Variants in KCNQ1OT1 observed in about 807,000 individuals in gnomAD.
The protein encoded by KCNQ1OT1 is KCNQ1 antisense RNA 2 (non-protein coding).
chr11:2,697,906 A>T, exon 1 of KCNQ1OT1: 1 of 398,656 alleles, frequency 2.5e-6, no homozygotes, highest in Middle Eastern at 6.3e-4. Context: ...TAAATCCTGA[A>T]ACAGACCCAC....
rs115450426 is a variant in KCNQ1OT1, at chr11:2,631,008, T to C, written n.68987A>G. ...TTATTTATCTTGCCGCTTTCAAAAT[T>C]ATCTTGTCTTCCATTTTTTACATTT... On this transcript the variant is annotated non_coding_transcript_exon_variant, in exon 1 of 1. Transcript: ENST00000597346. 2.7e-3 allele frequency: 1,077 copies of C among 398,558 alleles called. 12 individuals are homozygous for C. The highest frequency in any genetic ancestry group is 0.019 in the African/African-American group (931 of 48,760). The allele number at this position is 398,558 out of a possible 1,614,324, so 24.7% of individuals were successfully genotyped here. A position where few individuals can be genotyped will look rare whatever the true frequency, so the allele number is the denominator to read the frequency against.
exon 1 of KCNQ1OT1, chr11:2,675,503 C>A (rs1850277850): frequency 5.0e-6 from 2 of 398,530 alleles, no homozygotes; most frequent in Admixed American, 8.8e-5. Flanking sequence ...ACATAGCAGT[C>A]ACAACATGCC....
chr11:2,657,770 C>CT lies in KCNQ1OT1; in HGVS notation n.42224dup. 2.5e-6 allele frequency: 1 copy of CT among 398,594 alleles called. No homozygotes were observed. Among genetic ancestry groups the CT allele is most frequent in the Non-Finnish European group, 4.4e-6 (1 of 226,062 alleles). The allele number at this position is 398,594 out of a possible 1,614,324, so 24.7% of individuals were successfully genotyped here. On this transcript the variant is annotated non_coding_transcript_exon_variant, in exon 1 of 1. Coordinates refer to ENST00000597346, the Ensembl canonical transcript of KCNQ1OT1. This position sits in a 1 kb window ranked among gnomAD's most constrained non-coding sequence, Gnocchi z 4.8. ...GCTTCTCAGTCTTGTTCTTCATTAACTTGACACTTTTGAAGAATACCAGTC... is the reference window on the plus strand; with the variant it reads ...GCTTCTCAGTCTTGTTCTTCATTAACTTTGACACTTTTGAAGAATACCAGTC...
At chr11:2,675,429 CGTTAA>C in exon 1 of KCNQ1OT1, 1 of 398,360 alleles carries the variant, frequency 2.5e-6, no homozygotes, top group Non-Finnish European at 4.4e-6. Flanking sequence ...TGTCATTTTG[CGTTAA>C]AATAAAAGAT....
At chr11:2,633,684 T>C (rs1404244794) in exon 1 of KCNQ1OT1, 2 of 398,478 alleles carry the variant, frequency 5.0e-6, no homozygotes, top group Non-Finnish European at 8.8e-6. Context: ...TAAATAAATT[T>C]ATTTACTTCT....
rs960427133 is a variant in KCNQ1OT1 at position 2,698,438 on chromosome 11, A to G, written n.1557T>C. 31 of 374,870 alleles carry G rather than the reference A, an allele frequency of 8.3e-5. No individual in the cohort carries two copies. The highest frequency in any genetic ancestry group is 7.3e-4 in the African/African-American group (30 of 41,256). 23.2% of individuals were successfully genotyped at this position (374,870 alleles called of 1,614,324 possible). On this transcript the variant is annotated non_coding_transcript_exon_variant, in exon 1 of 1. Transcript: ENST00000597346. This position sits in a 1 kb window ranked among gnomAD's most constrained non-coding sequence, Gnocchi z 5.1. ...GTGGCCCTTCAAGCCTACTACCCAG[A>G]CTGAGACCTGCATCTGATCAACTCT...
chr11:2,642,577 GT>G lies in KCNQ1OT1; in HGVS notation n.57417del. On this transcript the variant is annotated non_coding_transcript_exon_variant, in exon 1 of 1. Coordinates refer to ENST00000597346, the Ensembl canonical transcript of KCNQ1OT1. The surrounding 1 kb of genome is among the most constrained non-coding windows in gnomAD (Gnocchi z 4.3). ...GTCTTCTCTCTTTTCTTCTTGGATA[GT>G]TTAGCCACTGGTTATTTTGTTTCTT... 1 of 397,748 alleles carries G rather than the reference GT, an allele frequency of 2.5e-6. No homozygotes were observed. Among genetic ancestry groups the G allele is most frequent in the Non-Finnish European group, 4.4e-6 (1 of 225,650 alleles). 24.6% of individuals were successfully genotyped at this position (397,748 alleles called of 1,614,324 possible).
At position 2,654,445 on chromosome 11, in the gene KCNQ1OT1, C is replaced by T. The variant is rs1040733172; in HGVS notation, n.45550G>A. 17 of 398,490 alleles carry T rather than the reference C, an allele frequency of 4.3e-5. No individual in the cohort carries two copies. Among genetic ancestry groups the T allele is most frequent in the East Asian group, 7.1e-5 (2 of 28,092 alleles). The allele number at this position is 398,490 out of a possible 1,614,324, so 24.7% of individuals were successfully genotyped here. Reference sequence around the variant, plus strand: ...TGGGTGAGGCAGAAGGCAAGGTTCCCGTGCTGAGCGCCAGGCACACATAAG... The same window carrying T: ...TGGGTGAGGCAGAAGGCAAGGTTCCTGTGCTGAGCGCCAGGCACACATAAG... On this transcript the variant is annotated non_coding_transcript_exon_variant, in exon 1 of 1. Transcript: ENST00000597346. The surrounding 1 kb of genome is among the most constrained non-coding windows in gnomAD (Gnocchi z 6.4).
exon 1 of KCNQ1OT1, chr11:2,692,653 G>A (rs972641378): frequency 1.8e-5 from 7 of 398,556 alleles, no homozygotes; most frequent in African/African-American, 1.2e-4. Flanking sequence ...TCCCCTCAGG[G>A]TGCAAACGGT....
At position 2,679,062 on chromosome 11, in the gene KCNQ1OT1, A is replaced by G; in HGVS notation, n.20933T>C. 2.5e-6 allele frequency: 1 copy of G among 398,646 alleles called. No individual in the cohort carries two copies. The highest frequency in any genetic ancestry group is 4.4e-5 in the Admixed American group (1 of 22,736). The allele number at this position is 398,646 out of a possible 1,614,324, so 24.7% of individuals were successfully genotyped here. A position where few individuals can be genotyped will look rare whatever the true frequency, so the allele number is the denominator to read the frequency against. The stretch of plus-strand genomic sequence containing the variant: ...CCCTCCTCCATACCAACCACCAAAA[A>G]AACCCACTAACACCATAAAGTGTCA... On this transcript the variant is annotated non_coding_transcript_exon_variant, in exon 1 of 1. Coordinates refer to ENST00000597346, the Ensembl canonical transcript of KCNQ1OT1. The surrounding 1 kb of genome is among the most constrained non-coding windows in gnomAD (Gnocchi z 4.8).
chr11:2,613,149 A>G lies in KCNQ1OT1; in HGVS notation n.86846T>C, dbSNP rs769920970. On this transcript the variant is annotated non_coding_transcript_exon_variant, in exon 1 of 1. Coordinates refer to ENST00000597346, the Ensembl canonical transcript of KCNQ1OT1. The surrounding 1 kb of genome is among the most constrained non-coding windows in gnomAD (Gnocchi z 4.8). ...CTTCCACCCTCTGCTGAGGGGATCTATGTGTGGGTTGGGACATTCAAAGTT... is the reference window on the plus strand; with the variant it reads ...CTTCCACCCTCTGCTGAGGGGATCTGTGTGTGGGTTGGGACATTCAAAGTT... 2.5e-6 allele frequency: 1 copy of G among 398,504 alleles called. No homozygotes were observed. Among genetic ancestry groups the G allele is most frequent in the Non-Finnish European group, 4.4e-6 (1 of 226,080 alleles). The allele number at this position is 398,504 out of a possible 1,614,324, so 24.7% of individuals were successfully genotyped here.
exon 1 of KCNQ1OT1, chr11:2,648,884 C>A: frequency 5.0e-6 from 2 of 398,158 alleles, no homozygotes; most frequent in Non-Finnish European, 8.9e-6. Context: ...CCTGGGTACT[C>A]CAGTGTTGTT....
chr11:2,666,232 T>C (rs543784324), exon 1 of KCNQ1OT1: 62 of 398,208 alleles, frequency 1.6e-4, no homozygotes, highest in Non-Finnish European at 2.3e-4. Context: ...ACCCGGCCCA[T>C]TGAGATGGGC....
At chr11:2,638,812 C>T (rs1045654585) in exon 1 of KCNQ1OT1, 5 of 152,224 alleles carry the variant, frequency 3.3e-5, no homozygotes, top group African/African-American at 1.2e-4. Flanking sequence ...AGAGTGTTTT[C>T]CAACTTGGTT....
chr11:2,662,866 T>C (rs1849993612), exon 1 of KCNQ1OT1: 1 of 398,596 alleles, frequency 2.5e-6, no homozygotes, highest in African/African-American at 2.1e-5. Context: ...TCTACCAACA[T>C]TTTTCTAAAG....
chr11:2,673,552 C>A lies in KCNQ1OT1; in HGVS notation n.26443G>T, dbSNP rs1850228140. On this transcript the variant is annotated non_coding_transcript_exon_variant, in exon 1 of 1. Coordinates refer to ENST00000597346, the Ensembl canonical transcript of KCNQ1OT1. The surrounding 1 kb of genome is among the most constrained non-coding windows in gnomAD (Gnocchi z 4.5). ...AAGATTGCTCTCAGCCTATCCCCTC[C>A]CTGGCCATGCAGGTGGAAGACCCTA... 2 of 398,500 alleles carry A rather than the reference C, an allele frequency of 5.0e-6. No individual in the cohort carries two copies. Among genetic ancestry groups the A allele is most frequent in the East Asian group, 3.6e-5 (1 of 28,074 alleles). The allele number at this position is 398,500 out of a possible 1,614,324, so 24.7% of individuals were successfully genotyped here. A position where few individuals can be genotyped will look rare whatever the true frequency, so the allele number is the denominator to read the frequency against.
At chr11:2,694,010 C>T (rs1590037063) in exon 1 of KCNQ1OT1, 2 of 398,706 alleles carry the variant, frequency 5.0e-6, no homozygotes, top group East Asian at 7.1e-5. Flanking sequence ...AGGCCACCTC[C>T]AACTTGGTCA....
At chr11:2,649,106 C>T (rs1159171551) in exon 1 of KCNQ1OT1, 2 of 391,448 alleles carry the variant, frequency 5.1e-6, no homozygotes, top group East Asian at 3.6e-5. Context: ...GGTGTCTTTA[C>T]AGGTGAAGTC....
At chr11:2,648,877 G>A (rs1349281964) in exon 1 of KCNQ1OT1, 3 of 398,014 alleles carry the variant, frequency 7.5e-6, no homozygotes, top group Non-Finnish European at 1.3e-5. Context: ...TAATATACCT[G>A]GGTACTCCAG....
Sources: allele counts gnomAD v4.1 joint callset, GRCh38; gene constraint gnomAD v4.1.1; non-coding constraint Gnocchi (gnomAD v3.1); transcripts MANE v1.5; gene names NCBI Gene and HGNC (gene_info 2026-07-23, HGNC 2026-07-21).